SCNN1D: variants seen among roughly 807,000 people sequenced by gnomAD.
The protein encoded by SCNN1D is sodium channel epithelial 1 subunit delta.
In SCNN1D, 104 loss-of-function variants were observed where a neutral mutation model predicts 87.8. The observed-to-expected ratio is 1.18, with a 90% CI of 1.01 to 1.39. The LOEUF (loss-of-function observed/expected upper bound fraction) is 1.39, where lower values mean the gene tolerates loss of function less well. Ranked by LOEUF, SCNN1D falls within the 40% of genes most tolerant of loss-of-function variation. SCNN1D has a pLI of 0.00. For synonymous variants in SCNN1D, 628 were observed against 481.2 expected (o/e 1.31, Z -3.99); for missense variants, 1,324 against 1,093.9 (o/e 1.21, Z -2.97).
In SCNN1D at chr1:1,285,959, C is replaced by T. The variant is rs1640579086; in HGVS notation, c.592C>T (p.Pro198Ser). 1 of 1,559,278 alleles carries T rather than the reference C, an allele frequency of 6.4e-7. No individual in the cohort carries two copies. Among genetic ancestry groups the T allele is most frequent in the Non-Finnish European group, 8.7e-7 (1 of 1,150,326 alleles). ...AAQTPPRPGPPSAPPPPPKEG... is the reference protein window; with the variant it reads ...AAQTPPRPGPSSAPPPPPKEG... ...CCAGACGCCCCCCAGGCCGGGGCCA[C>T]CATCAGCACCACCACCACCACCCAA... Residue 198 changes from proline to serine, a missense_variant, in exon 7 of 18, where the codon CCA (proline) becomes TCA (serine). Physicochemically the swap from Pro to Ser is moderately conservative, Grantham distance 74 (BLOSUM62 -1). Coordinates refer to ENST00000379116, the MANE Select transcript of SCNN1D (RefSeq NM_001130413.4).
intron 3 of SCNN1D, chr1:1,281,940 C>G (rs1051540028): frequency 3.5e-6 from 2 of 567,782 alleles, no homozygotes; most frequent in African/African-American, 3.8e-5. Flanking sequence ...CAATCTCTGG[C>G]AAGCACCTAG....
Position 1,283,993 on chromosome 1 carries a change from A to T in SCNN1D, c.367A>T (p.Ile123Phe), listed in dbSNP as rs1640520363. 1 of 1,450,902 alleles carries T rather than the reference A, an allele frequency of 6.9e-7. No homozygotes were observed. Among genetic ancestry groups the T allele is most frequent in the Non-Finnish European group, 9.0e-7 (1 of 1,106,280 alleles). The allele number at this position is 1,450,902 out of a possible 1,614,324, so 89.9% of individuals were successfully genotyped here. A position where few individuals can be genotyped will look rare whatever the true frequency, so the allele number is the denominator to read the frequency against. Reference sequence around the variant, plus strand: ...TTTTAAATAGGAGGCCAGAGGCTCCATCCTGCTTCAGAGCTGCCAGCTGCC... The same window carrying T: ...TTTTAAATAGGAGGCCAGAGGCTCCTTCCTGCTTCAGAGCTGCCAGCTGCC... ...FQSRQEARGS[I>F]LLQSCQLPPQ... Residue 123 changes from isoleucine to phenylalanine, a missense_variant, in exon 5 of 18, where the codon ATC becomes TTC. By Grantham distance (21) the Ile-to-Phe change is conservative (BLOSUM62 0). Coordinates refer to ENST00000379116, the MANE Select transcript of SCNN1D (RefSeq NM_001130413.4).
chr1:1,286,067 C>A lies in SCNN1D; in HGVS notation c.700C>A (p.His234Asn). The change falls in exon 7 of 18, where the codon CAC becomes AAC. Residue 234 changes from histidine (H) to asparagine (N), a missense_variant. Transcript: ENST00000379116. ...CTTCTTCTGCACCAATGCCACCATCCACGGCGCCATCCGCCTGGTCTGCTC... is the reference window on the plus strand; with the variant it reads ...CTTCTTCTGCACCAATGCCACCATCAACGGCGCCATCCGCCTGGTCTGCTC... ...LTFFCTNATIHGAIRLVCSRG... is the reference protein window; with the variant it reads ...LTFFCTNATINGAIRLVCSRG... 6.3e-7 allele frequency: 1 copy of A among 1,598,100 alleles called. No individual in the cohort carries two copies. The highest frequency in any genetic ancestry group is 1.7e-5 in the Admixed American group (1 of 57,836).
Position 1,281,480 on chromosome 1 carries a change from C to A in SCNN1D, c.147C>A (p.Thr49=). 6.6e-7 allele frequency: 1 copy of A among 1,525,230 alleles called. No homozygotes were observed. Among genetic ancestry groups the A allele is most frequent in the South Asian group, 1.2e-5 (1 of 81,928 alleles). 94.5% of individuals were successfully genotyped at this position (1,525,230 alleles called of 1,614,324 possible). A position where few individuals can be genotyped will look rare whatever the true frequency, so the allele number is the denominator to read the frequency against. The change falls in exon 3 of 18, where the codon ACC becomes ACA. Residue 49 remains threonine (T), a synonymous_variant. Transcript: ENST00000379116. ...GGGAGCTGGGTTCGCCCCACCCCACCCCCTGCACCGGGCCAGCGAGGGGAT... is the reference window on the plus strand; with the variant it reads ...GGGAGCTGGGTTCGCCCCACCCCACACCCTGCACCGGGCCAGCGAGGGGAT... ...TCRELGSPHP[T]PCTGPARGWP...
intron 1 of SCNN1D, 64 bp downstream of exon 1, chr1:1,280,730 T>A: frequency 1.4e-6 from 1 of 697,176 alleles, no homozygotes. Context: ...GGAATGCCCA[T>A]GGCTAAGACC....
At position 1,291,047 on chromosome 1, in the gene SCNN1D, G is replaced by A. The variant is rs1224652128; in HGVS notation, c.1977-18G>A. 2.9e-5 allele frequency: 47 copies of A among 1,609,702 alleles called. No homozygotes were observed. The highest frequency in any genetic ancestry group is 3.8e-5 in the Non-Finnish European group (45 of 1,178,614). On this transcript the variant is annotated intron_variant, in intron 16 of 17. Transcript: ENST00000379116. ...TGAAGGTCTGGGCCAGCGCCCTCAT[G>A]CCTCTATCCTGCCCCAGGAGCAGCC...
intron 5 of SCNN1D, among the ~76,000 whole-genome samples, chr1:1,284,644 TGTGTGCTGGACCATTGGGGGTGCATAGC>T (rs1557580804): frequency 6.7e-6 from 1 of 148,852 alleles, no homozygotes; most frequent in Non-Finnish European, 1.5e-5. Context: ...GGGTGCACAG[TGTGTGCTGGACCATTGGGGGTGCATAGC>T]GTGTGCTGGA....
At chr1:1,291,228 C>G in intron 17 of SCNN1D, 26 bp from the exon 18 acceptor site, 1 of 1,565,478 alleles carries the variant, frequency 6.4e-7, no homozygotes, top group African/African-American at 1.4e-5. Flanking sequence ...CTGGGCCCGC[C>G]CCTCACACCC....
rs145626299 is a variant in SCNN1D, at chr1:1,290,388, G to A, written c.1780G>A (p.Gly594Arg). 3.6e-5 allele frequency: 58 copies of A among 1,604,760 alleles called. No homozygotes were observed. The highest frequency in any genetic ancestry group is 1.7e-4 in the Middle Eastern group (1 of 6,030). The change falls in exon 13 of 18, where the codon GGA becomes AGA. Residue 594 changes from glycine (G) to arginine (R), a missense_variant and splice_region_variant. Gly to Arg is a moderately radical substitution (Grantham distance 125). Coordinates refer to ENST00000379116, the MANE Select transcript of SCNN1D (RefSeq NM_001130413.4). ...CAGCTCTGCCCGGCACCCTGCCTGG[G>A]GTGAGTCCTGCTCGCTGCCTCCCAC... ...YCSSARHPAW[G>R]HCFYRLYQDL...
chr1:1,291,273 C>T lies in SCNN1D; in HGVS notation c.2072C>T (p.Ala691Val), dbSNP rs554085904. ...PVYSVPQLLS[A>V]MGSLCSLWFG... ...CCGCAGGTGCCGCAGCTGCTCTCGG[C>T]CATGGGCAGCCTCTGCAGCCTGTGG... Residue 691 changes from alanine to valine, a missense_variant, in exon 18 of 18, where the codon GCC becomes GTC. By Grantham distance (64) the Ala-to-Val change is moderately conservative (BLOSUM62 0). Transcript: ENST00000379116. 12 of 1,562,780 alleles carry T rather than the reference C, an allele frequency of 7.7e-6. No homozygotes were observed. Among genetic ancestry groups the T allele is most frequent in the South Asian group, 7.1e-5 (6 of 84,352 alleles).
chr1:1,290,242 A>ATGTCCCTGCTCATCCCCCC (rs1557586618), intron 12 of SCNN1D, 29 bp from the exon 13 acceptor site: 1 of 1,484,820 alleles, frequency 6.7e-7, no homozygotes, highest in Non-Finnish European at 9.1e-7. Context: ...GCTCCATCCC[A>ATGTCCCTGCTCATCCCCCC]TGTCCCTGCT....
At position 1,291,928 on chromosome 1, in the gene SCNN1D, G is replaced by A. The variant is rs187599010; in HGVS notation, c.*318G>A. On this transcript the variant is annotated 3_prime_UTR_variant, in exon 18 of 18. Transcript: ENST00000379116. ...CCACACGTCTGATGCACCTGTGTACGTGTGTCAAGCCTAGCCACCTCAGCT... is the reference window on the plus strand; with the variant it reads ...CCACACGTCTGATGCACCTGTGTACATGTGTCAAGCCTAGCCACCTCAGCT... The A allele has an allele frequency of 4.3e-5, 11 of 256,732 alleles. No homozygotes were observed. The highest frequency in any genetic ancestry group is 6.6e-5 in the African/African-American group (3 of 45,154). The allele number at this position is 256,732 out of a possible 1,614,324, so 15.9% of individuals were successfully genotyped here. A position where few individuals can be genotyped will look rare whatever the true frequency, so the allele number is the denominator to read the frequency against.
At chr1:1,285,842 G>C in intron 6 of SCNN1D, 84 bp from the exon 7 acceptor site, 1 of 1,385,658 alleles carries the variant, frequency 7.2e-7, no homozygotes, top group Non-Finnish European at 9.8e-7. Context: ...GCGGGGCACT[G>C]GTGGCTGACA....
chr1:1,290,413 C>G (rs1164662801), intron 13 of SCNN1D, 25 bp downstream of exon 13: 3 of 1,609,320 alleles, frequency 1.9e-6, no homozygotes, highest in Non-Finnish European at 2.5e-6. Context: ...CTGCCTCCCA[C>G]TCTGTCAGCC....
At position 1,287,755 on chromosome 1, in the gene SCNN1D, C is replaced by T. The variant is rs148161915; in HGVS notation, c.1482C>T (p.His494=). 55 of 1,603,642 alleles carry T rather than the reference C, an allele frequency of 3.4e-5. No homozygotes were observed. The highest frequency in any genetic ancestry group is 1.6e-4 in the Middle Eastern group (1 of 6,068). ...TGGCCGGCATCAGGGTCATGGTTCA[C>T]GGCCGTAACCACACGCCCTTCCTGG... The part of the protein sequence containing the change: ...STLAGIRVMV[H]GRNHTPFLGH... The change falls in exon 11 of 18, where the codon CAC becomes CAT. Residue 494 remains histidine, a synonymous_variant. Coordinates refer to ENST00000379116, the MANE Select transcript of SCNN1D (RefSeq NM_001130413.4).
At position 1,291,495 on chromosome 1, in the gene SCNN1D, AC is replaced by A. The variant is rs1263564938; in HGVS notation, c.2297del (p.Pro766ArgfsTer11). ...CCGCCTGCAGGCGGCACGTCAGATG[AC>A]CCGGAGCCCAGCGGGCCTCATCTCC... ...MPPPAGGTSD[D>X]PEPSGPHLPR... On this transcript the variant is annotated frameshift_variant, in exon 18 of 18. Transcript: ENST00000379116. LOFTEE classifies it low-confidence loss of function (END_TRUNC). 6.2e-7 allele frequency: 1 copy of A among 1,608,650 alleles called. No individual in the cohort carries two copies. Among genetic ancestry groups the A allele is most frequent in the South Asian group, 1.1e-5 (1 of 90,942 alleles).
At position 1,291,306 on chromosome 1, in the gene SCNN1D, C is replaced by T. The variant is rs1640806387; in HGVS notation, c.2105C>T (p.Ala702Val). The T allele has an allele frequency of 6.3e-7, 1 of 1,584,866 alleles. No homozygotes were observed. The change falls in exon 18 of 18, where the codon GCC becomes GTC. Residue 702 changes from alanine (A) to valine (V), a missense_variant. Physicochemically the swap from Ala to Val is moderately conservative, Grantham distance 64 (BLOSUM62 0). Transcript: ENST00000379116. ...AGCCTCTGCAGCCTGTGGTTTGGGG[C>T]CTCCGTCCTCTCCCTCCTGGAGCTC... is the stretch of plus-strand genomic sequence containing the variant. ...MGSLCSLWFG[A>V]SVLSLLELLE...
chr1:1,289,945 G>A (rs1378361225), intron 12 of SCNN1D, among the ~76,000 whole-genome samples: 2 of 34,972 alleles, frequency 5.7e-5, no homozygotes, highest in African/African-American at 3.6e-4. Flanking sequence ...TCTCTGCTCC[G>A]TCCCGTGTCT....
In SCNN1D at chr1:1,290,410, C is replaced by A. The variant is rs778977213; in HGVS notation, c.1780+22C>A. The A allele has an allele frequency of 2.5e-6, 4 of 1,608,638 alleles. No individual in the cohort carries two copies. The African/African-American group carries it at 5.4e-5, about 22-fold the overall frequency. ...TGGGGTGAGTCCTGCTCGCTGCCTC[C>A]CACTCTGTCAGCCATTAGCCGGGGG... On this transcript the variant is annotated intron_variant, in intron 13 of 17. Transcript: ENST00000379116.
Sources: gnomAD v4.1 joint callset for allele counts (sites outside exome capture counted in the v4.1 genomes callset) on GRCh38, gnomAD v4.1.1 for gene constraint, MANE v1.5 for transcripts, NCBI Gene and HGNC (gene_info 2026-07-23, HGNC 2026-07-21) for gene names.